Variants in CEP290 observed in about 807,000 individuals in gnomAD.
CEP290 encodes the protein centrosomal protein 290, also known as centrosomal protein of 290 kDa.
CEP290 carries 317 observed loss-of-function variants against 344.9 expected under a neutral mutation model. The ratio of observed to expected loss-of-function variants is 0.92; its 90% CI spans 0.84 to 1.01. The LOEUF is 1.01. CEP290 is among the 50% of genes least tolerant of loss of function. CEP290 has a pLI of 0.00. For synonymous variants in CEP290, 932 were observed against 895.8 expected (o/e 1.04, Z -0.72); for missense variants, 2,754 against 2,761.4 (o/e 1.00, Z 0.06).
chr12:88,058,709 A>G (rs2034214546), intron 49 of CEP290, 139 bp downstream of exon 49: 5 of 832,834 alleles, frequency 6.0e-6, no homozygotes, highest in African/African-American at 1.7e-5. Flanking sequence ...CAACAGAAAA[A>G]AAGTATTATG....
intron 6 of CEP290, among the ~76,000 whole-genome samples, 200 bp from the exon 7 acceptor site, chr12:88,131,418 A>G (rs764473520): frequency 1.3e-5 from 2 of 151,958 alleles, no homozygotes; most frequent in Non-Finnish European, 2.9e-5. Flanking sequence ...ATGCATTACC[A>G]TAACTGGCTA....
At chr12:88,086,007 A>G in intron 34 of CEP290, 32 bp downstream of exon 34, 2 of 1,579,964 alleles carry the variant, frequency 1.3e-6, no homozygotes, top group Non-Finnish European at 1.7e-6. Context: ...ACCAAATAAT[A>G]CACTAATCAA....
rs148498423 is a variant in CEP290 at position 88,127,354 on chromosome 12, G to A, written c.943-916C>T. ...ACTACAAAAATTAGCTGCGCATGGC[G>A]GCACATGCCTGTAATCCCAGCTACT... is the stretch of plus-strand genomic sequence containing the variant. On this transcript the variant is annotated intron_variant, in intron 11 of 53. Coordinates refer to ENST00000552810, the MANE Select transcript of CEP290 (RefSeq NM_025114.4). 5.5e-3 allele frequency among the ~76,000 whole-genome samples: 839 copies of A among 152,208 alleles called. 14 individuals are homozygous for A. Among genetic ancestry groups the A allele is most frequent in the African/African-American group, 0.019 (781 of 41,516 alleles).
At chr12:88,112,886 AG>A (rs1006736721) in intron 20 of CEP290, among the ~76,000 whole-genome samples, 1 of 152,126 alleles carries the variant, frequency 6.6e-6, no homozygotes, top group Non-Finnish European at 1.5e-5. Flanking sequence ...TGTCTCATTG[AG>A]GAATAGTGCC....
At chr12:88,129,237 C>A (rs1243443243) in intron 10 of CEP290, among the ~76,000 whole-genome samples, 1 of 151,838 alleles carries the variant, frequency 6.6e-6, no homozygotes, top group Non-Finnish European at 1.5e-5. Context: ...TTATAGGTGA[C>A]ATTTAATAGT....
chr12:88,086,409 TA>T lies in CEP290; in HGVS notation c.4283del (p.Ile1428AsnfsTer2). On this transcript the variant is annotated frameshift_variant, in exon 33 of 54. Coordinates refer to ENST00000552810, the MANE Select transcript of CEP290 (RefSeq NM_025114.4). LOFTEE classifies it high-confidence loss of function. ...LDIFDRQQNE[I>X]LNAAQKFEEA... ...TTCATACCTTTTGTGCCGCATTTAG[TA>T]TTTCATTTTGCTGACGGTCAAAAAT... 1 of 1,591,330 alleles carries T rather than the reference TA, an allele frequency of 6.3e-7. No homozygotes were observed.
intron 25 of CEP290, chr12:88,104,260 C>G (rs2038112164): frequency 6.6e-6 from 1 of 151,990 alleles, no homozygotes; most frequent in African/African-American, 2.4e-5. Flanking sequence ...AAGTAAAGAA[C>G]CCAAGCCCAT....
At chr12:88,124,009 C>T (rs991654702) in intron 13 of CEP290, among the ~76,000 whole-genome samples, 6 of 152,122 alleles carry the variant, frequency 3.9e-5, no homozygotes, top group African/African-American at 9.7e-5. Flanking sequence ...AGTAACTCCA[C>T]TGCTACCACC....
chr12:88,075,135 AC>A (rs997890969), intron 41 of CEP290, among the ~76,000 whole-genome samples: 27 of 152,114 alleles, frequency 1.8e-4, no homozygotes, highest in African/African-American at 6.0e-4. Context: ...GAATTGGACG[AC>A]ACCCAGTTGG....
chr12:88,069,940 T>C (rs764528730), intron 43 of CEP290, among the ~76,000 whole-genome samples: 4 of 152,158 alleles, frequency 2.6e-5, no homozygotes, highest in African/African-American at 4.8e-5. Flanking sequence ...CAACTGAAGT[T>C]TACCTTGGAA....
At chr12:88,120,566 A>C (rs935099316) in intron 14 of CEP290, among the ~76,000 whole-genome samples, 3 of 152,218 alleles carry the variant, frequency 2.0e-5, no homozygotes, top group African/African-American at 4.8e-5. Flanking sequence ...AGTAAAAGCA[A>C]ATCAGCAATA....
intron 11 of CEP290, among the ~76,000 whole-genome samples, chr12:88,127,990 G>C (rs1049075546): frequency 6.6e-6 from 1 of 152,182 alleles, no homozygotes; most frequent in African/African-American, 2.4e-5. Flanking sequence ...ATTCAATCTG[G>C]TAAAGACAAC....
chr12:88,109,102 C>T lies in CEP290; in HGVS notation c.2447G>A (p.Arg816His), dbSNP rs768448895. 6.6e-5 allele frequency: 95 copies of T among 1,446,202 alleles called. No homozygotes were observed. The highest frequency in any genetic ancestry group is 8.1e-5 in the Non-Finnish European group (87 of 1,078,726). The allele number at this position is 1,446,202 out of a possible 1,614,324, so 89.6% of individuals were successfully genotyped here. A position where few individuals can be genotyped will look rare whatever the true frequency, so the allele number is the denominator to read the frequency against. ...TTTATACAACAAACTTTGTTGATGA[C>T]GAATTACAGCAAATTTTCTGTTGTA... ...EDYNRKFAVI[R>H]HQQSLLYKEY... The change falls in exon 23 of 54, where the codon CGT (arginine) becomes CAT (histidine). Residue 816 changes from arginine to histidine, a missense_variant. Coordinates refer to ENST00000552810, the MANE Select transcript of CEP290 (RefSeq NM_025114.4).
intron 41 of CEP290, among the ~76,000 whole-genome samples, chr12:88,077,016 C>T (rs1156232378): frequency 3.3e-5 from 5 of 152,010 alleles, no homozygotes; most frequent in Non-Finnish European, 5.9e-5. Flanking sequence ...TTATAGGTAT[C>T]TCCTCAAGTA....
Position 88,087,816 on chromosome 12 carries a change from G to T in CEP290, c.4158C>A (p.Ile1386=). Residue 1386 remains isoleucine, a synonymous_variant, in exon 32 of 54, where the codon ATC becomes ATA. Transcript: ENST00000552810. ...GCACAATTTCTTCTTCAAGACTGCT[G>T]ATTGTACGTTCATATTCAGAAATTA... ...NNIISEYERT[I]SSLEEEIVQQ... 7.8e-7 allele frequency: 1 copy of T among 1,286,228 alleles called. No homozygotes were observed. The highest frequency in any genetic ancestry group is 1.0e-6 in the Non-Finnish European group (1 of 999,164). The allele number at this position is 1,286,228 out of a possible 1,614,324, so 79.7% of individuals were successfully genotyped here.
chr12:88,111,913 T>TA (rs1201911848), intron 20 of CEP290, 55 bp from the exon 21 acceptor site: 9 of 1,244,650 alleles, frequency 7.2e-6, no homozygotes, highest in Non-Finnish European at 7.5e-6. Flanking sequence ...AAAATCATAG[T>TA]AAAAAACAGT....
Position 88,117,022 on chromosome 12 carries a change from T to A in CEP290, c.1824+11A>T. Reference sequence around the variant, plus strand: ...TTTTCCTTTACTCTCTTTGCAATACTTTACTATTACCTTTGATTGTGCTTC... The same window carrying A: ...TTTTCCTTTACTCTCTTTGCAATACATTACTATTACCTTTGATTGTGCTTC... On this transcript the variant is annotated intron_variant, in intron 18 of 53. Coordinates refer to ENST00000552810, the MANE Select transcript of CEP290 (RefSeq NM_025114.4). 1 of 1,260,322 alleles carries A rather than the reference T, an allele frequency of 7.9e-7. No individual in the cohort carries two copies. The highest frequency in any genetic ancestry group is 1.1e-6 in the Non-Finnish European group (1 of 888,048). The allele number at this position is 1,260,322 out of a possible 1,614,324, so 78.1% of individuals were successfully genotyped here. A position where few individuals can be genotyped will look rare whatever the true frequency, so the allele number is the denominator to read the frequency against.
intron 26 of CEP290, among the ~76,000 whole-genome samples, chr12:88,102,025 G>C (rs2037929663): frequency 6.6e-6 from 1 of 152,122 alleles, no homozygotes; most frequent in African/African-American, 2.4e-5. Flanking sequence ...GCCAGCAAAA[G>C]CTTTTGAGCT....
chr12:88,135,449 GTATAT>G (rs2040304699), intron 6 of CEP290, among the ~76,000 whole-genome samples: 1 of 152,144 alleles, frequency 6.6e-6, no homozygotes, highest in Admixed American at 6.5e-5. Flanking sequence ...TTCTACCAGT[GTATAT>G]TATAAGTTAG....
Sources: gnomAD v4.1 joint callset for allele counts (sites outside exome capture counted in the v4.1 genomes callset) on GRCh38, gnomAD v4.1.1 for gene constraint, MANE v1.5 for transcripts, NCBI Gene and HGNC (gene_info 2026-07-23, HGNC 2026-07-21) for gene names.